The following P2RY14 variants were observed in gnomAD, a reference collection of about 807,000 sequenced individuals.
P2RY14 encodes the protein purinergic receptor P2Y14.
Under a neutral mutation model 0.9 loss-of-function variants are expected in P2RY14, and 2 were observed. The ratio of observed to expected loss-of-function variants is 2.16; its 90% CI spans 0.88 to 6.79. P2RY14 has a LOEUF of 6.79. Among genes scored for constraint, P2RY14 ranks in the 30% most tolerant of loss-of-function variants. P2RY14 has a pLI of 0.05. For synonymous variants in P2RY14, 158 were observed against 147.2 expected (o/e 1.07, Z -0.53); for missense variants, 378 against 400.1 (o/e 0.94, Z 0.47).
chr3:151,238,904 T>C (rs1733481577), intron 1 of P2RY14, among the ~76,000 whole-genome samples: 1 of 152,226 alleles, frequency 6.6e-6, no homozygotes, highest in African/African-American at 2.4e-5. Flanking sequence ...GGAACACCAT[T>C]TTTACTTGAT....
In P2RY14 at chr3:151,213,119, G is replaced by A. The variant is rs1042746057; in HGVS notation, c.*181C>T. 2.6e-5 allele frequency: 13 copies of A among 503,582 alleles called. No homozygotes were observed. Among genetic ancestry groups the A allele is most frequent in the Non-Finnish European group, 4.5e-5 (13 of 289,030 alleles). The allele number at this position is 503,582 out of a possible 1,614,324, so 31.2% of individuals were successfully genotyped here. On this transcript the variant is annotated 3_prime_UTR_variant, in exon 3 of 3. Coordinates refer to ENST00000309170, the MANE Select transcript of P2RY14 (RefSeq NM_014879.4). ...TCAGTATTAGAGAAATTACTGATGG[G>A]TATGTTTTCTTTGATGTTACAAAAA... is the stretch of plus-strand genomic sequence containing the variant.
intron 1 of P2RY14, among the ~76,000 whole-genome samples, chr3:151,244,738 G>T (rs1212609562): frequency 6.6e-6 from 1 of 151,850 alleles, no homozygotes; most frequent in Non-Finnish European, 1.5e-5. Flanking sequence ...ACATTCAAAA[G>T]CTAGCAGAAG....
intron 1 of P2RY14, among the ~76,000 whole-genome samples, chr3:151,250,134 A>G (rs901818074): frequency 2.0e-5 from 3 of 152,170 alleles, no homozygotes; most frequent in East Asian, 1.9e-4. Flanking sequence ...CCACTTTCCC[A>G]TTCACTCTGT....
At chr3:151,229,231 G>A (rs1731125369) in intron 1 of P2RY14, among the ~76,000 whole-genome samples, 1 of 151,114 alleles carries the variant, frequency 6.6e-6, no homozygotes, top group Non-Finnish European at 1.5e-5. Flanking sequence ...CCTGTTTTGT[G>A]TATTAATCCC....
At chr3:151,262,065 G>C (rs1458836818) in intron 1 of P2RY14, among the ~76,000 whole-genome samples, 1 of 152,138 alleles carries the variant, frequency 6.6e-6, no homozygotes, top group Non-Finnish European at 1.5e-5. Flanking sequence ...TAAAGTTTGA[G>C]AATCACTGTT....
chr3:151,240,207 G>C (rs1733805150), intron 1 of P2RY14, among the ~76,000 whole-genome samples: 1 of 152,142 alleles, frequency 6.6e-6, no homozygotes, highest in African/African-American at 2.4e-5. Context: ...ATGGGCCTGT[G>C]TCAATAGATG....
chr3:151,240,606 GTTTATC>G (rs1733880813), intron 1 of P2RY14, among the ~76,000 whole-genome samples: 1 of 151,888 alleles, frequency 6.6e-6, no homozygotes, highest in Admixed American at 6.6e-5. Flanking sequence ...AAATCTAGTT[GTTTATC>G]TTTAAGCATC....
chr3:151,265,125 T>C (rs912802375), intron 1 of P2RY14, among the ~76,000 whole-genome samples: 5 of 152,336 alleles, frequency 3.3e-5, no homozygotes, highest in African/African-American at 1.2e-4. Flanking sequence ...CCACTTGTTA[T>C]GCTGTGTGTC....
intron 2 of P2RY14, among the ~76,000 whole-genome samples, chr3:151,217,016 G>A (rs1275307917): frequency 2.0e-5 from 3 of 152,078 alleles, no homozygotes; most frequent in Non-Finnish European, 4.4e-5. Flanking sequence ...TCATACTCAT[G>A]GTAGGTACTG....
chr3:151,220,222 A>G (rs1196239896), intron 1 of P2RY14, among the ~76,000 whole-genome samples: 1 of 151,434 alleles, frequency 6.6e-6, no homozygotes, highest in Non-Finnish European at 1.5e-5. Context: ...TTTGATTACC[A>G]CCAGTGTAAT....
At chr3:151,272,963 C>T (rs944138156) in intron 1 of P2RY14, among the ~76,000 whole-genome samples, 4 of 152,032 alleles carry the variant, frequency 2.6e-5, no homozygotes, top group Non-Finnish European at 4.4e-5. Flanking sequence ...CTTCAATATC[C>T]GAAACTTTTT....
At chr3:151,264,263 A>G (rs1161613928) in intron 1 of P2RY14, among the ~76,000 whole-genome samples, 1 of 152,192 alleles carries the variant, frequency 6.6e-6, no homozygotes, top group African/African-American at 2.4e-5. Context: ...TGATTTCATT[A>G]TTTTGTAAGC....
At chr3:151,269,916 GTGT>G in intron 1 of P2RY14, 1 of 451,954 alleles carries the variant, frequency 2.2e-6, no homozygotes, top group Non-Finnish European at 4.4e-6. Context: ...TCTGATGCAG[GTGT>G]TGTTGAGTTG....
chr3:151,233,761 C>T (rs185998552), intron 1 of P2RY14, among the ~76,000 whole-genome samples: 83 of 152,238 alleles, frequency 5.5e-4, no homozygotes, highest in African/African-American at 1.9e-3. Context: ...AACACAGCAC[C>T]GACTTGAGAG....
chr3:151,214,401 A>G, intron 2 of P2RY14, 61 bp from the exon 3 acceptor site: 1 of 1,151,230 alleles, frequency 8.7e-7, no homozygotes, highest in Non-Finnish European at 1.2e-6. Context: ...ACATTTGCTG[A>G]GTAATAAGGC....
At chr3:151,260,494 C>T (rs1432033918) in intron 1 of P2RY14, among the ~76,000 whole-genome samples, 6 of 151,992 alleles carry the variant, frequency 3.9e-5, no homozygotes, top group Non-Finnish European at 8.8e-5. Flanking sequence ...GGACTGCAGG[C>T]GTGTACCACT....
intron 1 of P2RY14, among the ~76,000 whole-genome samples, chr3:151,277,718 C>T (rs1742126684): frequency 6.6e-6 from 1 of 152,188 alleles, no homozygotes; most frequent in South Asian, 2.1e-4. Context: ...CAAATATTTG[C>T]TATGCCTAGG....
chr3:151,240,173 A>G (rs1436892424), intron 1 of P2RY14, among the ~76,000 whole-genome samples: 1 of 152,078 alleles, frequency 6.6e-6, no homozygotes, highest in Non-Finnish European at 1.5e-5. Flanking sequence ...TAGAGTGTAG[A>G]TTACTTAAGG....
At chr3:151,221,185 A>G (rs1729273808) in intron 1 of P2RY14, among the ~76,000 whole-genome samples, 1 of 152,224 alleles carries the variant, frequency 6.6e-6, no homozygotes, top group African/African-American at 2.4e-5. Flanking sequence ...CTAGCTGAAG[A>G]AATTTCTAAG....
Sources: allele counts gnomAD v4.1 joint callset (sites outside exome capture counted in the v4.1 genomes callset), GRCh38; gene constraint gnomAD v4.1.1; transcripts MANE v1.5; gene names NCBI Gene and HGNC (gene_info 2026-07-23, HGNC 2026-07-21).